Variants in PIGU observed in about 807,000 individuals in gnomAD.
The protein encoded by PIGU is phosphatidylinositol glycan anchor biosynthesis class U.
PIGU carries 24 observed loss-of-function variants against 49.9 expected under a neutral mutation model. The observed-to-expected ratio is 0.48, with a 90% CI of 0.35 to 0.68. The LOEUF is 0.68. PIGU is among the 30% of genes least tolerant of loss of function. The pLI, the probability that PIGU is intolerant of heterozygous loss-of-function variation, is 0.01. For missense variants in PIGU, 490 were observed against 532.6 expected (o/e 0.92, Z 0.79); for synonymous variants, 220 against 205.7 (o/e 1.07, Z -0.59).
chr20:34,568,008 C>A (rs146374323), intron 11 of PIGU, among the ~76,000 whole-genome samples: 4 of 152,300 alleles, frequency 2.6e-5, no homozygotes, highest in Admixed American at 1.3e-4. Flanking sequence ...CCTTTCTCTC[C>A]ACAGACCGAG....
rs1982460967 is a variant in PIGU at position 34,560,821 on chromosome 20, G to A, written c.*45C>T. The stretch of plus-strand genomic sequence containing the variant: ...GCTGGAGGGCTTGGCCCAGCTTCTG[G>A]CCCCACAGCCCCCTGAGGTCCATGC... On this transcript the variant is annotated 3_prime_UTR_variant, in exon 12 of 12. Transcript: ENST00000217446. The A allele has an allele frequency of 2.1e-6, 3 of 1,403,924 alleles. No homozygotes were observed. Among genetic ancestry groups the A allele is most frequent in the Admixed American group, 2.3e-5 (1 of 44,402 alleles). The allele number at this position is 1,403,924 out of a possible 1,614,324, so 87.0% of individuals were successfully genotyped here.
chr20:34,560,686 T>G lies in PIGU; in HGVS notation c.*180A>C, dbSNP rs933441891. On this transcript the variant is annotated 3_prime_UTR_variant, in exon 12 of 12. Transcript: ENST00000217446. Reference sequence around the variant, plus strand: ...GTCCAAGTTGGGGAGCTCCCAGTTCTTCCCCATAGGCCTTGCTGTCAGTCA... The same window carrying G: ...GTCCAAGTTGGGGAGCTCCCAGTTCGTCCCCATAGGCCTTGCTGTCAGTCA... 2.1e-5 allele frequency: 10 copies of G among 467,820 alleles called. 1 individual carries two copies. The Admixed American group carries it at 2.4e-4, about 11-fold the overall frequency. 29.0% of individuals were successfully genotyped at this position (467,820 alleles called of 1,614,324 possible). A position where few individuals can be genotyped will look rare whatever the true frequency, so the allele number is the denominator to read the frequency against.
chr20:34,628,843 T>G (rs141771256), intron 6 of PIGU, among the ~76,000 whole-genome samples: 275 of 152,212 alleles, frequency 1.8e-3, no homozygotes, highest in African/African-American at 6.3e-3. Context: ...AGAGCGAGAC[T>G]GTCTCAAAAA....
intron 11 of PIGU, among the ~76,000 whole-genome samples, chr20:34,570,705 C>T (rs1982973543): frequency 6.6e-6 from 1 of 152,150 alleles, no homozygotes; most frequent in Admixed American, 6.6e-5. Flanking sequence ...CCGCATAAGC[C>T]ACTATTAATT....
chr20:34,606,304 T>A (rs1984612123), intron 7 of PIGU, among the ~76,000 whole-genome samples: 1 of 151,828 alleles, frequency 6.6e-6, no homozygotes, highest in South Asian at 2.1e-4. Flanking sequence ...ATATCTAATC[T>A]GTCTTCAAAA....
intron 11 of PIGU, among the ~76,000 whole-genome samples, chr20:34,573,370 T>C (rs1322119958): frequency 1.3e-5 from 2 of 152,204 alleles, no homozygotes; most frequent in Non-Finnish European, 2.9e-5. Context: ...AATAATTCAG[T>C]TTCTCCTGCC....
At chr20:34,620,697 G>A (rs1480292562) in intron 6 of PIGU, among the ~76,000 whole-genome samples, 1 of 151,438 alleles carries the variant, frequency 6.6e-6, no homozygotes, top group Non-Finnish European at 1.5e-5. Flanking sequence ...TATAGTCCCA[G>A]CTACTCGGGA....
At chr20:34,666,140 C>T (rs961609402) in intron 1 of PIGU, among the ~76,000 whole-genome samples, 1 of 151,936 alleles carries the variant, frequency 6.6e-6, no homozygotes, top group Non-Finnish European at 1.5e-5. Flanking sequence ...GAGCCAAGAT[C>T]GTGCCACTGT....
intron 2 of PIGU, among the ~76,000 whole-genome samples, chr20:34,654,568 C>A (rs1408065488): frequency 8.5e-6 from 1 of 117,828 alleles, no homozygotes. Context: ...TAGATATTAA[C>A]CCAGAGATAA....
At chr20:34,620,638 T>C (rs377247416) in intron 6 of PIGU, among the ~76,000 whole-genome samples, 3 of 151,664 alleles carry the variant, frequency 2.0e-5, no homozygotes, top group Admixed American at 6.6e-5. Flanking sequence ...GGTGAAACCC[T>C]GTTTCTACTA....
intron 6 of PIGU, among the ~76,000 whole-genome samples, chr20:34,618,788 A>G (rs1985102116): frequency 6.6e-6 from 1 of 152,146 alleles, no homozygotes; most frequent in Admixed American, 6.5e-5. Context: ...CCCTGTTTCA[A>G]ATAAAAAAAT....
intron 2 of PIGU, among the ~76,000 whole-genome samples, chr20:34,651,345 G>A (rs909476588): frequency 1.3e-5 from 2 of 152,104 alleles, no homozygotes; most frequent in Non-Finnish European, 2.9e-5. Flanking sequence ...TTAGCTTCTT[G>A]GTCTCTAGCC....
intron 6 of PIGU, among the ~76,000 whole-genome samples, chr20:34,630,945 A>G (rs1985684688): frequency 6.6e-6 from 1 of 152,124 alleles, no homozygotes; most frequent in Non-Finnish European, 1.5e-5. Flanking sequence ...GTGCCAGGCC[A>G]TGTCTCACTC....
At position 34,575,129 on chromosome 20, in the gene PIGU, A is replaced by G. The variant is rs139626937; in HGVS notation, c.1169T>C (p.Ile390Thr). The change falls in exon 11 of 12, where the codon ATC (isoleucine) becomes ACC (threonine). Residue 390 changes from isoleucine to threonine, a missense_variant. By Grantham distance (89) the Ile-to-Thr change is moderately conservative (BLOSUM62 -1). Coordinates refer to ENST00000217446, the MANE Select transcript of PIGU (RefSeq NM_080476.5). ...CTGCCCAACGTTGAAGGTCAGTGTGATGGCATAAAAGAAATTAGAGTTGGC... is the reference window on the plus strand; with the variant it reads ...CTGCCCAACGTTGAAGGTCAGTGTGGTGGCATAAAAGAAATTAGAGTTGGC... ...GSANSNFFYA[I>T]TLTFNVGQIL... The G allele has an allele frequency of 2.5e-6, 4 of 1,614,184 alleles. No individual in the cohort carries two copies. The highest frequency in any genetic ancestry group is 3.4e-6 in the Non-Finnish European group (4 of 1,180,014).
intron 2 of PIGU, among the ~76,000 whole-genome samples, chr20:34,651,982 T>G (rs1437355471): frequency 4.6e-5 from 7 of 152,066 alleles, no homozygotes; most frequent in Non-Finnish European, 1.0e-4. Context: ...GCATCTGTAG[T>G]CCCAGCTATT....
intron 7 of PIGU, among the ~76,000 whole-genome samples, chr20:34,614,099 CAG>C (rs781429303): frequency 3.3e-5 from 5 of 152,054 alleles, no homozygotes; most frequent in Non-Finnish European, 7.3e-5. Flanking sequence ...AGTTTGAGAG[CAG>C]CCTGAGCAAC....
At chr20:34,652,416 C>T (rs982388901) in intron 2 of PIGU, among the ~76,000 whole-genome samples, 7 of 152,172 alleles carry the variant, frequency 4.6e-5, no homozygotes, top group Admixed American at 2.0e-4. Flanking sequence ...TCCCAAGGAA[C>T]CATCTTTGTT....
chr20:34,566,942 G>A (rs1176676438), intron 11 of PIGU, among the ~76,000 whole-genome samples: 1 of 152,214 alleles, frequency 6.6e-6, no homozygotes, highest in Non-Finnish European at 1.5e-5. Flanking sequence ...AAAGCCAGTA[G>A]AGGTTGTTAA....
chr20:34,593,319 C>A (rs1475699961), intron 7 of PIGU, among the ~76,000 whole-genome samples: 1 of 131,880 alleles, frequency 7.6e-6, no homozygotes, highest in Admixed American at 8.5e-5. Context: ...GCCTGGGCAA[C>A]AGAGCGAGAC....
Sources: allele counts gnomAD v4.1 joint callset (sites outside exome capture counted in the v4.1 genomes callset), GRCh38; gene constraint gnomAD v4.1.1; transcripts MANE v1.5; gene names NCBI Gene and HGNC (gene_info 2026-07-23, HGNC 2026-07-21).